Variants in NUP153 observed in about 807,000 individuals in gnomAD.
The protein encoded by NUP153 is nucleoporin 153, also known as nuclear pore complex protein Nup153.
NUP153 carries 27 observed loss-of-function variants against 134.6 expected under a neutral mutation model. That is an observed-to-expected ratio of 0.20 (90% CI 0.15 to 0.28). The LOEUF (loss-of-function observed/expected upper bound fraction) is 0.28, where lower values mean the gene tolerates loss of function less well. Among genes scored for constraint, NUP153 ranks in the 10% least tolerant of loss-of-function variants. The pLI, the probability that NUP153 is intolerant of heterozygous loss-of-function variation, is 1.00. For synonymous variants in NUP153, 640 were observed against 623.5 expected (o/e 1.03, Z -0.40); for missense variants, 1,821 against 1,731.3 (o/e 1.05, Z -0.92).
chr6:17,663,232 TACACAC>T (rs35061480), intron 9 of NUP153, among the ~76,000 whole-genome samples: 49 of 143,998 alleles, frequency 3.4e-4, no homozygotes, highest in African/African-American at 7.7e-4. Context: ...AAGAAAAAAA[TACACAC>T]ACACACACAC....
chr6:17,690,622 T>C (rs894180395), intron 1 of NUP153, among the ~76,000 whole-genome samples: 3 of 152,150 alleles, frequency 2.0e-5, no homozygotes, highest in Admixed American at 6.5e-5. Flanking sequence ...GGTAACCGAT[T>C]TTAGGCAACA....
At chr6:17,694,325 T>C (rs1274511986) in intron 1 of NUP153, among the ~76,000 whole-genome samples, 1 of 152,158 alleles carries the variant, frequency 6.6e-6, no homozygotes, top group East Asian at 1.9e-4. Flanking sequence ...TCTGGTCCAT[T>C]TATGTACTGT....
At chr6:17,635,361 G>A (rs149256701) in intron 16 of NUP153, among the ~76,000 whole-genome samples, 2,972 of 151,796 alleles carry the variant, frequency 0.02, 98 homozygotes, top group African/African-American at 0.067. Flanking sequence ...CACTCGCCTC[G>A]GCCTCCCAAA....
chr6:17,616,290 G>GGGGCC, intron 21 of NUP153, 109 bp from the exon 22 acceptor site: 2 of 473,886 alleles, frequency 4.2e-6, no homozygotes, highest in Non-Finnish European at 3.9e-6. Context: ...GGTGGGGGGG[G>GGGGCC]AGTAGACTCA....
At chr6:17,700,498 T>C (rs1392681171) in intron 1 of NUP153, among the ~76,000 whole-genome samples, 1 of 152,208 alleles carries the variant, frequency 6.6e-6, no homozygotes, top group East Asian at 1.9e-4. Flanking sequence ...ACTGATTATA[T>C]TAAGCATCTA....
At chr6:17,654,136 T>C (rs922157416) in intron 11 of NUP153, among the ~76,000 whole-genome samples, 53 of 152,314 alleles carry the variant, frequency 3.5e-4, no homozygotes, top group African/African-American at 1.1e-3. Context: ...AAATTTGTCA[T>C]AATCAACTGA....
chr6:17,703,054 CG>C (rs1770229912), intron 1 of NUP153, among the ~76,000 whole-genome samples: 2 of 127,684 alleles, frequency 1.6e-5, no homozygotes, highest in African/African-American at 2.8e-5. Flanking sequence ...AAAAATTAGC[CG>C]GGCGTGGTGG....
At chr6:17,665,772 G>A (rs1013898565) in intron 8 of NUP153, among the ~76,000 whole-genome samples, 5 of 151,258 alleles carry the variant, frequency 3.3e-5, no homozygotes, top group Non-Finnish European at 7.4e-5. Context: ...CCAGACCACA[G>A]CTCACTGTAG....
intron 12 of NUP153, 53 bp from the exon 13 acceptor site, chr6:17,647,958 A>T (rs1407419936): frequency 4.4e-6 from 5 of 1,139,562 alleles, no homozygotes; most frequent in Non-Finnish European, 6.6e-6. Context: ...TTAGAAAAAT[A>T]AAGTGACAAA....
In NUP153 at chr6:17,646,093, GTAC is replaced by G; in HGVS notation, c.1691_1693del (p.Ser564del). 1 of 1,586,132 alleles carries G rather than the reference GTAC, an allele frequency of 6.3e-7. No homozygotes were observed. Among genetic ancestry groups the G allele is most frequent in the Non-Finnish European group, 8.7e-7 (1 of 1,155,608 alleles). The stretch of plus-strand genomic sequence containing the variant: ...TGAACTACTTATAATTGGTTCTAAA[GTAC>G]TACTAGAACCAGAAAGTTCTGCTGT... On this transcript the variant is annotated inframe_deletion, in exon 14 of 22. Transcript: ENST00000262077.
At chr6:17,701,786 T>G (rs1400145774) in intron 1 of NUP153, among the ~76,000 whole-genome samples, 2 of 136,348 alleles carry the variant, frequency 1.5e-5, no homozygotes, top group East Asian at 2.2e-4. Context: ...TGAGCCAAGA[T>G]TGTGCCACTG....
intron 14 of NUP153, 125 bp downstream of exon 14, chr6:17,645,942 C>T (rs1766149271): frequency 2.2e-6 from 1 of 446,948 alleles, no homozygotes; most frequent in Admixed American, 4.1e-5. Context: ...TGCCTGCTTG[C>T]TTTTCAGAGC....
chr6:17,640,062 G>A lies in NUP153; in HGVS notation c.1723C>T (p.His575Tyr), dbSNP rs756697659. 1 of 1,550,730 alleles carries A rather than the reference G, an allele frequency of 6.4e-7. No homozygotes were observed. The highest frequency in any genetic ancestry group is 8.7e-7 in the Non-Finnish European group (1 of 1,152,040). Residue 575 changes from histidine (H) to tyrosine (Y), a missense_variant and splice_region_variant, in exon 15 of 22, where the codon CAT becomes TAT. Transcript: ENST00000262077. ...TLEPIISSSA[H>Y]HVTTVNSTNC... ...GTACTGTTCACTGTAGTGACATGAT[G>A]AGCTGTAATTTTTTTAAATTTAATA...
chr6:17,620,475 T>C (rs1561849635), intron 20 of NUP153, among the ~76,000 whole-genome samples: 1 of 152,170 alleles, frequency 6.6e-6, no homozygotes, highest in Non-Finnish European at 1.5e-5. Flanking sequence ...CTTCTCACCC[T>C]ATACAAAAAT....
chr6:17,618,094 T>TCC (rs1413201894), intron 20 of NUP153, among the ~76,000 whole-genome samples: 1 of 152,108 alleles, frequency 6.6e-6, no homozygotes, highest in Non-Finnish European at 1.5e-5. Flanking sequence ...TCTGATACCC[T>TCC]CCATGCAGGA....
intron 16 of NUP153, 58 bp downstream of exon 16, chr6:17,637,095 A>C: frequency 6.8e-7 from 1 of 1,470,230 alleles, no homozygotes; most frequent in Non-Finnish European, 9.2e-7. Context: ...TCTTAGAATA[A>C]ATTAAACTGT....
In NUP153 at chr6:17,649,240, T is replaced by C. The variant is rs1251719450; in HGVS notation, c.1456A>G (p.Thr486Ala). The C allele has an allele frequency of 6.2e-7, 1 of 1,613,888 alleles. No homozygotes were observed. ...SLPITSSSLP[T>A]FNFSSPEITT... ...ATCTCAGGGGAACTAAAATTAAAGG[T>C]AGGCAGTGAAGAACTGGTGATCGGT... is the stretch of plus-strand genomic sequence containing the variant. Residue 486 changes from threonine to alanine, a missense_variant, in exon 12 of 22, where the codon ACC becomes GCC. Thr to Ala is a moderately conservative substitution (Grantham distance 58). Coordinates refer to ENST00000262077, the MANE Select transcript of NUP153 (RefSeq NM_005124.4).
chr6:17,627,395 T>C (rs1764997490), intron 18 of NUP153, among the ~76,000 whole-genome samples: 1 of 152,240 alleles, frequency 6.6e-6, no homozygotes. Flanking sequence ...ATTTTGAGTG[T>C]TTCCAATTTA....
At chr6:17,668,111 T>C (rs1433641089) in intron 8 of NUP153, among the ~76,000 whole-genome samples, 1 of 148,258 alleles carries the variant, frequency 6.7e-6, no homozygotes, top group African/African-American at 2.5e-5. Context: ...AGTCTCACTT[T>C]GTCTCCCAGG....
Sources: allele counts gnomAD v4.1 joint callset (sites outside exome capture counted in the v4.1 genomes callset), GRCh38; gene constraint gnomAD v4.1.1; transcripts MANE v1.5; gene names NCBI Gene and HGNC (gene_info 2026-07-23, HGNC 2026-07-21).